Variants in ZNF699 observed in about 807,000 individuals in gnomAD.
ZNF699 encodes hangover homolog.
In ZNF699, 18 loss-of-function variants were observed where a neutral mutation model predicts 22.5. The ratio of observed to expected loss-of-function variants is 0.80; its 90% CI spans 0.55 to 1.19. The LOEUF is 1.19. Ranked by LOEUF, ZNF699 falls within the 50% of genes most tolerant of loss-of-function variation. The probability of loss-of-function intolerance (pLI) is 0.00; values close to 1 mark genes in which losing one functional copy is unlikely to be tolerated. For missense variants in ZNF699, 670 were observed against 763.4 expected (o/e 0.88, Z 1.44); for synonymous variants, 241 against 262.3 (o/e 0.92, Z 0.78).
chr19:9,303,652 T>C (rs761400364), intron 2 of ZNF699, among the ~76,000 whole-genome samples: 3 of 152,104 alleles, frequency 2.0e-5, no homozygotes, highest in Non-Finnish European at 4.4e-5. Flanking sequence ...GTCCCAATCC[T>C]CTGATCTTGC....
chr19:9,306,337 A>T (rs563914065), intron 1 of ZNF699, among the ~76,000 whole-genome samples: 1 of 151,882 alleles, frequency 6.6e-6, no homozygotes, highest in South Asian at 2.1e-4. Flanking sequence ...GGTTGCAGCA[A>T]GCCGAGATTG....
intron 3 of ZNF699, among the ~76,000 whole-genome samples, chr19:9,299,030 G>C (rs575688554): frequency 1.3e-5 from 2 of 152,310 alleles, no homozygotes; most frequent in East Asian, 3.9e-4. Flanking sequence ...AAAAGTTAAC[G>C]CAAAATGGGT....
In ZNF699 at chr19:9,292,222, C is replaced by CT. The variant is rs375844867; in HGVS notation, c.*3252dup. On this transcript the variant is annotated 3_prime_UTR_variant, in exon 6 of 6. Coordinates refer to ENST00000591998, the MANE Select transcript of ZNF699 (RefSeq NM_198535.3). ...CATATGCCCCAAAACTGCCAGGACT[C>CT]TATGATTCAGTCAGTGCAGACTCTA... 4.9e-4 allele frequency among the ~76,000 whole-genome samples: 74 copies of CT among 152,266 alleles called. 1 individual carries two copies. Among genetic ancestry groups the CT allele is most frequent in the African/African-American group, 1.7e-3 (71 of 41,536 alleles).
At chr19:9,305,284 CACAT>C (rs1382600481) in intron 1 of ZNF699, among the ~76,000 whole-genome samples, 160 bp from the exon 2 acceptor site, 1 of 152,020 alleles carries the variant, frequency 6.6e-6, no homozygotes, top group African/African-American at 2.4e-5. Context: ...CACACACACA[CACAT>C]GCACACACCC....
Position 9,302,459 on chromosome 19 carries a change from C to A in ZNF699, c.94G>T (p.Glu32Ter), listed in dbSNP as rs770444920. 1 of 1,613,846 alleles carries A rather than the reference C, an allele frequency of 6.2e-7. No homozygotes were observed. ...EDVAVDFTQE[E>*]WALLDLAQRN... Reference sequence around the variant, plus strand: ...TGAGCAAGATCCAGCAAAGCCCATTCCTCCTGGGTAAAGTCCACAGCCACA... The same window carrying A: ...TGAGCAAGATCCAGCAAAGCCCATTACTCCTGGGTAAAGTCCACAGCCACA... Residue 32 changes from glutamate (E) to a stop codon, truncating the protein, a stop_gained, in exon 3 of 6, where the codon GAA (glutamate) becomes TAA (stop). Transcript: ENST00000591998. LOFTEE classifies it high-confidence loss of function.
chr19:9,305,931 T>C (rs1408291744), intron 1 of ZNF699, among the ~76,000 whole-genome samples: 1 of 151,932 alleles, frequency 6.6e-6, no homozygotes, highest in Non-Finnish European at 1.5e-5. Flanking sequence ...GTCAATCTCC[T>C]GACTTCATGA....
Position 9,297,280 on chromosome 19 carries a change from C to T in ZNF699, c.470+16G>A. 2 of 1,564,534 alleles carry T rather than the reference C, an allele frequency of 1.3e-6. No individual in the cohort carries two copies. Among genetic ancestry groups the T allele is most frequent in the Non-Finnish European group, 1.7e-6 (2 of 1,167,838 alleles). On this transcript the variant is annotated intron_variant, in intron 5 of 5. Coordinates refer to ENST00000591998, the MANE Select transcript of ZNF699 (RefSeq NM_198535.3). The surrounding 1 kb of genome is among the most constrained non-coding windows in gnomAD (Gnocchi z 4.3). ...CTCTCCTGAGGCACTTTCTCTTTCT[C>T]ACGAATGGCACTCACCTCAAATGTC...
Position 9,295,399 on chromosome 19 carries a change from G to A in ZNF699, c.*76C>T. 1 of 1,496,820 alleles carries A rather than the reference G, an allele frequency of 6.7e-7. No individual in the cohort carries two copies. The highest frequency in any genetic ancestry group is 1.4e-5 in the South Asian group (1 of 73,434). 92.7% of individuals were successfully genotyped at this position (1,496,820 alleles called of 1,614,324 possible). ...AATTTCCTACTTTCTTACATTCATAGGGTGTCTCCACAGTATGAGATCTCA... is the reference window on the plus strand; with the variant it reads ...AATTTCCTACTTTCTTACATTCATAAGGTGTCTCCACAGTATGAGATCTCA... On this transcript the variant is annotated 3_prime_UTR_variant, in exon 6 of 6. Coordinates refer to ENST00000591998, the MANE Select transcript of ZNF699 (RefSeq NM_198535.3).
At chr19:9,298,122 G>C in intron 3 of ZNF699, 132 bp from the exon 4 acceptor site, 1 of 565,006 alleles carries the variant, frequency 1.8e-6, no homozygotes, top group Non-Finnish European at 3.1e-6. Context: ...GCAACAAAAT[G>C]TCAAATTTAT....
chr19:9,298,371 G>A (rs1032793356), intron 3 of ZNF699, among the ~76,000 whole-genome samples: 5 of 151,424 alleles, frequency 3.3e-5, no homozygotes, highest in Non-Finnish European at 5.9e-5. Flanking sequence ...GCTTGAACCC[G>A]GGAGGCGGAG....
chr19:9,308,931 T>C (rs943222798), intron 1 of ZNF699, among the ~76,000 whole-genome samples: 2 of 152,194 alleles, frequency 1.3e-5, no homozygotes, highest in African/African-American at 4.8e-5. Flanking sequence ...ACAAAATGCA[T>C]CAGTTCACTT....
chr19:9,296,794 A>C lies in ZNF699; in HGVS notation c.610T>G (p.Phe204Val). ...SCECHECGKA[F>V]VDHSSLKSHI... ...CTCTTAAGGGATGAATGATCCACGA[A>C]GGCCTTTCCACACTCATGGCATTCA... The change falls in exon 6 of 6, where the codon TTC (phenylalanine) becomes GTC (valine). Residue 204 changes from phenylalanine to valine, a missense_variant. By Grantham distance (50) the Phe-to-Val change is conservative. Transcript: ENST00000591998. 1 of 1,614,154 alleles carries C rather than the reference A, an allele frequency of 6.2e-7. No individual in the cohort carries two copies. The highest frequency in any genetic ancestry group is 8.5e-7 in the Non-Finnish European group (1 of 1,180,012).
chr19:9,299,734 C>T (rs2066300223), intron 3 of ZNF699, among the ~76,000 whole-genome samples: 1 of 151,840 alleles, frequency 6.6e-6, no homozygotes, highest in Non-Finnish European at 1.5e-5. Flanking sequence ...AAGCCACAGC[C>T]TGGGAGAAAA....
At position 9,295,014 on chromosome 19, in the gene ZNF699, GA is replaced by G. The variant is rs59274077; in HGVS notation, c.*460del. 0.016 allele frequency: 2,563 copies of G among 156,684 alleles called. 70 individuals are homozygous for G. The highest frequency in any genetic ancestry group is 0.057 in the African/African-American group (2,395 of 41,654). The allele number at this position is 156,684 out of a possible 1,614,324, so 9.7% of individuals were successfully genotyped here. ...TTTAAAGAACAATGAACATTAATTAGAAACCACTTTTTTAAAAAAGACCACT... is the reference window on the plus strand; with the variant it reads ...TTTAAAGAACAATGAACATTAATTAGAACCACTTTTTTAAAAAAGACCACT... On this transcript the variant is annotated 3_prime_UTR_variant, in exon 6 of 6. Coordinates refer to ENST00000591998, the MANE Select transcript of ZNF699 (RefSeq NM_198535.3).
intron 2 of ZNF699, among the ~76,000 whole-genome samples, chr19:9,303,984 C>CT (rs200733753): frequency 0.025 from 3,795 of 151,658 alleles, 107 homozygotes; most frequent in African/African-American, 0.076. Flanking sequence ...TGCCCAGCTA[C>CT]TTTTTTTTGT....
rs1222457397 is a variant in ZNF699, at chr19:9,305,236, AT to A, written c.-5-113del. 4 of 778,436 alleles carry A rather than the reference AT, an allele frequency of 5.1e-6. No individual in the cohort carries two copies. In the African/African-American group the frequency reaches 5.5e-5, roughly 11 times the overall value. 48.2% of individuals were successfully genotyped at this position (778,436 alleles called of 1,614,324 possible). On this transcript the variant is annotated intron_variant, in intron 1 of 5. Coordinates refer to ENST00000591998, the MANE Select transcript of ZNF699 (RefSeq NM_198535.3). Reference sequence around the variant, plus strand: ...TGAGCCTGGATGTTGCAGCCCATCAATTATAAGTAACAACTCCCCTCAAAAC... The same window carrying A: ...TGAGCCTGGATGTTGCAGCCCATCAATATAAGTAACAACTCCCCTCAAAAC...
intron 1 of ZNF699, among the ~76,000 whole-genome samples, chr19:9,306,060 A>G (rs1486315967): frequency 2.0e-5 from 3 of 151,446 alleles, no homozygotes; most frequent in Non-Finnish European, 2.9e-5. Flanking sequence ...ATGCTGTGAT[A>G]CACATGCTAA....
At position 9,294,909 on chromosome 19, in the gene ZNF699, C is replaced by G. The variant is rs1330254181; in HGVS notation, c.*566G>C. On this transcript the variant is annotated 3_prime_UTR_variant, in exon 6 of 6. Coordinates refer to ENST00000591998, the MANE Select transcript of ZNF699 (RefSeq NM_198535.3). ...CATTATCTGCCATGTAGACTAAAAA[C>G]AAAACATCAACAAAAATCAATATTT... is the stretch of plus-strand genomic sequence containing the variant. 6.6e-6 allele frequency: 1 copy of G among 152,036 alleles called. No individual in the cohort carries two copies. The highest frequency in any genetic ancestry group is 6.6e-5 in the Admixed American group (1 of 15,266). The allele number at this position is 152,036 out of a possible 1,614,324, so 9.4% of individuals were successfully genotyped here. A position where few individuals can be genotyped will look rare whatever the true frequency, so the allele number is the denominator to read the frequency against.
intron 1 of ZNF699, among the ~76,000 whole-genome samples, chr19:9,308,887 T>C (rs542468978): frequency 2.0e-5 from 3 of 152,198 alleles, no homozygotes; most frequent in Non-Finnish European, 4.4e-5. Flanking sequence ...ATTTAACCAA[T>C]CTATAGACAA....
Sources: allele counts gnomAD v4.1 joint callset (sites outside exome capture counted in the v4.1 genomes callset), GRCh38; gene constraint gnomAD v4.1.1; non-coding constraint Gnocchi (gnomAD v3.1); transcripts MANE v1.5; gene names NCBI Gene and HGNC (gene_info 2026-07-23, HGNC 2026-07-21).